Variants in LPAR1 observed in about 807,000 individuals in gnomAD.
The protein encoded by LPAR1 is LPA receptor 1.
Under a neutral mutation model 23.8 loss-of-function variants are expected in LPAR1, and 5 were observed. That is an observed-to-expected ratio of 0.21 (90% CI 0.11 to 0.44). The LOEUF is 0.44. Among genes scored for constraint, LPAR1 ranks in the 20% least tolerant of loss-of-function variants. LPAR1 has a pLI of 0.99. For missense variants in LPAR1, 311 were observed against 482.8 expected (o/e 0.64, Z 3.33); for synonymous variants, 160 against 164.7 (o/e 0.97, Z 0.22).
intron 4 of LPAR1, among the ~76,000 whole-genome samples, chr9:110,943,600 C>G (rs1285295974): frequency 2.0e-5 from 3 of 152,172 alleles, no homozygotes; most frequent in Non-Finnish European, 4.4e-5. Context: ...TGGCTCACAT[C>G]TGTAATCCCA....
chr9:110,944,661 C>T (rs931605040), intron 4 of LPAR1, among the ~76,000 whole-genome samples: 4 of 151,944 alleles, frequency 2.6e-5, no homozygotes, highest in Non-Finnish European at 5.9e-5. Context: ...TTAAGGATGG[C>T]AAAATTAAGA....
In LPAR1 at chr9:110,925,951, C is replaced by T. The variant is rs1175554190; in HGVS notation, c.793+15470G>A. Among the ~76,000 whole-genome samples the T allele has an allele frequency of 3.3e-5, 5 of 152,052 alleles. 1 individual carries two copies. The East Asian group carries it at 7.7e-4, about 23-fold the overall frequency. On this transcript the variant is annotated intron_variant, in intron 5 of 5. Transcript: ENST00000683809. ...TTTTTGTTTTTTTGAGTTGGACTCT[C>T]GCTCTGTCACCCAGGCTGGAGTGCA... is the stretch of plus-strand genomic sequence containing the variant.
chr9:111,036,266 C>T, intron 1 of LPAR1, 65 bp from the exon 2 acceptor site: 1 of 151,914 alleles, frequency 6.6e-6, no homozygotes, highest in Non-Finnish European at 1.5e-5. Context: ...CAAGGATCAC[C>T]TTGACCTCAC....
At chr9:110,937,547 T>C (rs1174897361) in intron 5 of LPAR1, among the ~76,000 whole-genome samples, 1 of 152,164 alleles carries the variant, frequency 6.6e-6, no homozygotes, top group Non-Finnish European at 1.5e-5. Flanking sequence ...CTATACGCCA[T>C]AGGGTTGTAA....
Position 110,933,168 on chromosome 9 carries a change from G to A in LPAR1, c.793+8253C>T, listed in dbSNP as rs182469542. Reference sequence around the variant, plus strand: ...CAGTAAAAGCAAAGGCCATTCATTCGGGATAAAAATTTACAGAGTATAATT... The same window carrying A: ...CAGTAAAAGCAAAGGCCATTCATTCAGGATAAAAATTTACAGAGTATAATT... On this transcript the variant is annotated intron_variant, in intron 5 of 5. Coordinates refer to ENST00000683809, the MANE Select transcript of LPAR1 (RefSeq NM_001351411.2). Among the ~76,000 whole-genome samples the A allele has an allele frequency of 3.9e-4, 60 of 152,252 alleles. 2 individuals are homozygous for A. The highest frequency in any genetic ancestry group is 3.1e-3 in the Admixed American group (47 of 15,288).
chr9:110,969,850 ATATCTT>A (rs1487628517), intron 4 of LPAR1, among the ~76,000 whole-genome samples: 1 of 152,204 alleles, frequency 6.6e-6, no homozygotes, highest in Non-Finnish European at 1.5e-5. Context: ...GCTTCAATGA[ATATCTT>A]TATACATTCC....
rs543771979 is a variant in LPAR1 at position 110,971,370 on chromosome 9, A to C, written c.45+703T>G. ...GAAGCTAGCATGACTAGGGCTCTTTATCCTGCAATCAGAGGAGCAGGGATG... is the reference window on the plus strand; with the variant it reads ...GAAGCTAGCATGACTAGGGCTCTTTCTCCTGCAATCAGAGGAGCAGGGATG... On this transcript the variant is annotated intron_variant, in intron 4 of 5. Transcript: ENST00000683809. 2.5e-4 allele frequency among the ~76,000 whole-genome samples: 38 copies of C among 152,276 alleles called. No individual in the cohort carries two copies. In the South Asian group the frequency reaches 7.9e-3, roughly 32 times the overall value.
chr9:110,926,716 C>T (rs777407967), intron 5 of LPAR1, among the ~76,000 whole-genome samples: 1 of 151,934 alleles, frequency 6.6e-6, no homozygotes, highest in Non-Finnish European at 1.5e-5. Flanking sequence ...CCCTAACTCT[C>T]CTTTCCTTTC....
chr9:111,018,283 G>A (rs574710900), intron 2 of LPAR1, among the ~76,000 whole-genome samples: 92 of 152,264 alleles, frequency 6.0e-4, no homozygotes, highest in Non-Finnish European at 1.1e-3. Context: ...CTCAAACTCT[G>A]CTGGTAGGAG....
chr9:110,999,516 G>A, intron 2 of LPAR1: 1 of 445,838 alleles, frequency 2.2e-6, no homozygotes, highest in South Asian at 1.6e-5. Flanking sequence ...AGGCTGCTAT[G>A]AAAGCTACCA....
chr9:111,001,082 A>G (rs2097120877), intron 2 of LPAR1, among the ~76,000 whole-genome samples: 1 of 152,200 alleles, frequency 6.6e-6, no homozygotes, highest in Non-Finnish European at 1.5e-5. Flanking sequence ...GGTTCTCTTT[A>G]GAAGCATTTT....
chr9:111,004,566 T>C (rs2097181090), intron 2 of LPAR1, among the ~76,000 whole-genome samples: 1 of 152,204 alleles, frequency 6.6e-6, no homozygotes, highest in South Asian at 2.1e-4. Flanking sequence ...TGTTGGCATT[T>C]TGCATCATTA....
At chr9:110,939,599 CT>C (rs1320725486) in intron 5 of LPAR1, among the ~76,000 whole-genome samples, 2 of 152,260 alleles carry the variant, frequency 1.3e-5, no homozygotes, top group African/African-American at 4.8e-5. Context: ...CAAATGTACA[CT>C]GAAACACTAG....
chr9:111,012,252 A>G (rs1467233446), intron 2 of LPAR1, among the ~76,000 whole-genome samples: 1 of 150,432 alleles, frequency 6.6e-6, no homozygotes, highest in Non-Finnish European at 1.5e-5. Flanking sequence ...CCCTGTCTCA[A>G]ACAAACAAAC....
rs113634415 is a variant in LPAR1 at position 110,873,915 on chromosome 9, T to C, written c.*1506A>G. 4 of 152,670 alleles carry C rather than the reference T, an allele frequency of 2.6e-5. No homozygotes were observed. The highest frequency in any genetic ancestry group is 9.6e-5 in the African/African-American group (4 of 41,578). The allele number at this position is 152,670 out of a possible 1,614,324, so 9.5% of individuals were successfully genotyped here. On this transcript the variant is annotated 3_prime_UTR_variant, in exon 6 of 6. Coordinates refer to ENST00000683809, the MANE Select transcript of LPAR1 (RefSeq NM_001351411.2). ...GAATTGCGAGATATATTGGGGTACC[T>C]TGATTCTTGAGACAGTTGAATTCTT...
At chr9:110,892,826 A>AAGGCAGGCAGGCAGGCAGGCAGGC (rs1167070374) in intron 5 of LPAR1, among the ~76,000 whole-genome samples, 6 of 65,460 alleles carry the variant, frequency 9.2e-5, no homozygotes, top group South Asian at 6.4e-4. Flanking sequence ...GGAAGGAAGG[A>AAGGCAGGCAGGCAGGCAGGCAGGC]AGGCAGGCAG....
chr9:110,975,914 T>TA (rs2096544358), intron 2 of LPAR1, among the ~76,000 whole-genome samples: 1 of 152,232 alleles, frequency 6.6e-6, no homozygotes. Context: ...AGTGTATGCT[T>TA]ACTTTGCCAA....
intron 4 of LPAR1, among the ~76,000 whole-genome samples, chr9:110,969,097 T>G (rs1437433712): frequency 6.6e-6 from 1 of 152,106 alleles, no homozygotes; most frequent in Non-Finnish European, 1.5e-5. Flanking sequence ...ACATTTAAAT[T>G]TTTTCTAATG....
chr9:110,957,052 G>C (rs2095782315), intron 4 of LPAR1, among the ~76,000 whole-genome samples: 1 of 152,066 alleles, frequency 6.6e-6, no homozygotes, highest in African/African-American at 2.4e-5. Context: ...TCAGCAAACT[G>C]AATCTAATAA....
Sources: allele counts gnomAD v4.1 joint callset (sites outside exome capture counted in the v4.1 genomes callset), GRCh38; gene constraint gnomAD v4.1.1; transcripts MANE v1.5; gene names NCBI Gene and HGNC (gene_info 2026-07-23, HGNC 2026-07-21).